Variants in BCO2 observed in about 807,000 individuals in gnomAD.
The protein encoded by BCO2 is carotenoid-cleaving dioxygenase, mitochondrial.
Under a neutral mutation model 65.8 loss-of-function variants are expected in BCO2, and 56 were observed. The ratio of observed to expected loss-of-function variants is 0.85; its 90% CI spans 0.69 to 1.06. The LOEUF is 1.06. BCO2 is among the 50% of genes least tolerant of loss of function. The pLI is 0.00. For synonymous variants in BCO2, 233 were observed against 242.3 expected (o/e 0.96, Z 0.36); for missense variants, 675 against 698.5 (o/e 0.97, Z 0.38).
chr11:112,182,670 G>A (rs1382415930), intron 2 of BCO2, among the ~76,000 whole-genome samples: 1 of 151,418 alleles, frequency 6.6e-6, no homozygotes, highest in Non-Finnish European at 1.5e-5. Context: ...TTGGACACAG[G>A]ATGGGGAACA....
In BCO2 at chr11:112,218,354, G is replaced by A. The variant is rs191260978; in HGVS notation, c.*480G>A. The A allele has an allele frequency of 2.2e-3, 351 of 156,594 alleles. No homozygotes were observed. The highest frequency in any genetic ancestry group is 3.8e-3 in the Non-Finnish European group (270 of 70,344). The allele number at this position is 156,594 out of a possible 1,614,324, so 9.7% of individuals were successfully genotyped here. A position where few individuals can be genotyped will look rare whatever the true frequency, so the allele number is the denominator to read the frequency against. On this transcript the variant is annotated 3_prime_UTR_variant, in exon 12 of 12. Transcript: ENST00000357685. ...ACCAATGGAGGCATTGCTGCTGGAG[G>A]TGTCATGGCCATTAACACTACTTTA...
intron 1 of BCO2, chr11:112,176,268 C>G (rs1159705521): frequency 6.5e-6 from 1 of 152,904 alleles, no homozygotes. Flanking sequence ...GAGACAAACA[C>G]CAGACCCTGT....
intron 3 of BCO2, 54 bp downstream of exon 3, chr11:112,193,751 T>C (rs1322520051): frequency 1.9e-6 from 3 of 1,567,304 alleles, no homozygotes; most frequent in Non-Finnish European, 2.6e-6. Context: ...TATACAAACA[T>C]AAATCTTGAA....
chr11:112,180,221 C>T (rs1432262834), intron 2 of BCO2, among the ~76,000 whole-genome samples: 1 of 152,218 alleles, frequency 6.6e-6, no homozygotes, highest in Non-Finnish European at 1.5e-5. Flanking sequence ...TAGTACTCAG[C>T]AAATTCAAGT....
intron 2 of BCO2, among the ~76,000 whole-genome samples, chr11:112,190,326 A>G: frequency 6.6e-6 from 1 of 152,304 alleles, no homozygotes; most frequent in Middle Eastern, 3.4e-3. Context: ...TATAACACTA[A>G]TAAATATTTT....
chr11:112,203,050 CA>C lies in BCO2; in HGVS notation c.1194+877del, dbSNP rs547629144. Reference sequence around the variant, plus strand: ...GTGCAACACAGTAAGACTCCATCTCCAAAAAAAAAAAAAAAAAGCATATGTG... The same window carrying C: ...GTGCAACACAGTAAGACTCCATCTCCAAAAAAAAAAAAAAAAGCATATGTG... On this transcript the variant is annotated intron_variant, in intron 8 of 11. Coordinates refer to ENST00000357685, the MANE Select transcript of BCO2 (RefSeq NM_031938.7). 7.8e-3 allele frequency among the ~76,000 whole-genome samples: 820 copies of C among 105,632 alleles called. 7 individuals carry two copies. Among genetic ancestry groups the C allele is most frequent in the African/African-American group, 0.014 (393 of 28,982 alleles). 69.3% of individuals were successfully genotyped at this position (105,632 alleles called of 152,430 possible).
chr11:112,201,982 C>CT (rs1867746986), intron 7 of BCO2, 41 bp from the exon 8 acceptor site: 2 of 1,505,066 alleles, frequency 1.3e-6, no homozygotes, highest in Non-Finnish European at 1.8e-6. Flanking sequence ...AAGAAGAAAA[C>CT]TAAAAAAAAT....
chr11:112,195,030 T>C (rs563801647), intron 5 of BCO2, among the ~76,000 whole-genome samples: 1 of 148,922 alleles, frequency 6.7e-6, no homozygotes, highest in South Asian at 2.1e-4. Flanking sequence ...CTATCTTATC[T>C]TGATCATTAA....
rs1247050890 is a variant in BCO2, at chr11:112,184,253, A to AT, written c.293+4788dup. ...AGAACCCTACAGTGGGGAATGAGGA[A>AT]TTTTTTTTTTTTTTTTTGAGACAGA... On this transcript the variant is annotated intron_variant, in intron 2 of 11. Transcript: ENST00000357685. 3.8e-3 allele frequency among the ~76,000 whole-genome samples: 540 copies of AT among 142,754 alleles called. 2 individuals are homozygous for AT. Among genetic ancestry groups the AT allele is most frequent in the East Asian group, 0.011 (53 of 4,930 alleles). 93.7% of individuals were successfully genotyped at this position (142,754 alleles called of 152,430 possible). A position where few individuals can be genotyped will look rare whatever the true frequency, so the allele number is the denominator to read the frequency against.
chr11:112,206,625 G>A lies in BCO2; in HGVS notation c.1194+4435G>A, dbSNP rs78782754. On this transcript the variant is annotated intron_variant, in intron 8 of 11. Coordinates refer to ENST00000357685, the MANE Select transcript of BCO2 (RefSeq NM_031938.7). ...AAATTTAAAAATATACAAATTTTGA[G>A]TATAATTCCTTATTGGATATGTGGT... Among the ~76,000 whole-genome samples, 563 of 152,274 alleles carry A rather than the reference G, an allele frequency of 3.7e-3. 12 individuals carry two copies. In the East Asian group the frequency reaches 0.044, roughly 12 times the overall value.
intron 8 of BCO2, among the ~76,000 whole-genome samples, chr11:112,210,256 T>C (rs1387128536): frequency 6.6e-6 from 1 of 152,238 alleles, no homozygotes; most frequent in East Asian, 1.9e-4. Flanking sequence ...CTGTTTCTGT[T>C]ATCTGTTGTT....
chr11:112,197,680 C>T (rs546930218), intron 5 of BCO2, among the ~76,000 whole-genome samples: 2 of 152,304 alleles, frequency 1.3e-5, no homozygotes, highest in Middle Eastern at 3.4e-3. Flanking sequence ...ACTGCAATAG[C>T]CCCTCAACTA....
intron 2 of BCO2, among the ~76,000 whole-genome samples, chr11:112,184,489 G>A (rs1214598398): frequency 5.3e-5 from 8 of 152,004 alleles, no homozygotes; most frequent in Non-Finnish European, 4.4e-5. Context: ...TCCTGACCTC[G>A]TGATCAGCCT....
At chr11:112,191,793 TAGAA>T (rs1867398565) in intron 2 of BCO2, among the ~76,000 whole-genome samples, 1 of 152,118 alleles carries the variant, frequency 6.6e-6, no homozygotes, top group African/African-American at 2.4e-5. Context: ...TGACATAGAA[TAGAA>T]AGACCAGAAG....
In BCO2 at chr11:112,183,123, T is replaced by A. The variant is rs562216045; in HGVS notation, c.293+3641T>A. The A allele has an allele frequency of 9.4e-6, 12 of 1,277,162 alleles. No homozygotes were observed. In the East Asian group the frequency reaches 2.8e-4, roughly 29 times the overall value. The allele number at this position is 1,277,162 out of a possible 1,614,324, so 79.1% of individuals were successfully genotyped here. ...TCTTCAAGAAGCCAACCTGAGAGGGTCCAACATGAAGGGAGCTATATTTGA... is the reference window on the plus strand; with the variant it reads ...TCTTCAAGAAGCCAACCTGAGAGGGACCAACATGAAGGGAGCTATATTTGA... On this transcript the variant is annotated intron_variant, in intron 2 of 11. Transcript: ENST00000357685.
At chr11:112,215,348 A>G (rs893612711) in intron 10 of BCO2, 15 of 246,342 alleles carry the variant, frequency 6.1e-5, no homozygotes, top group African/African-American at 1.6e-4. Context: ...GGAATATTCT[A>G]TTGACAGCCT....
intron 5 of BCO2, among the ~76,000 whole-genome samples, chr11:112,196,368 T>G (rs1867574106): frequency 1.3e-5 from 2 of 152,208 alleles, no homozygotes; most frequent in African/African-American, 4.8e-5. Flanking sequence ...TGGGGGAAAC[T>G]TAGTGATTCT....
intron 10 of BCO2, 195 bp downstream of exon 10, chr11:112,215,139 C>T: frequency 1.7e-6 from 1 of 584,816 alleles, no homozygotes; most frequent in Non-Finnish European, 3.0e-6. Context: ...ACCCCAGGCC[C>T]AGCAAAATAA....
At chr11:112,205,734 C>T (rs1439934653) in intron 8 of BCO2, among the ~76,000 whole-genome samples, 1 of 152,170 alleles carries the variant, frequency 6.6e-6, no homozygotes, top group Non-Finnish European at 1.5e-5. Context: ...GCTGGGATTA[C>T]AGGTGCATGG....
Sources: gnomAD v4.1 joint callset for allele counts (sites outside exome capture counted in the v4.1 genomes callset) on GRCh38, gnomAD v4.1.1 for gene constraint, MANE v1.5 for transcripts, NCBI Gene and HGNC (gene_info 2026-07-23, HGNC 2026-07-21) for gene names.